The following COX7B2 variants were observed in gnomAD, a reference collection of about 807,000 sequenced individuals.
COX7B2 encodes cytochrome c oxidase subunit 7B2.
For missense variants in COX7B2, 109 were observed against 95.9 expected, an observed-to-expected ratio of 1.14 and a Z score of -0.57; for synonymous variants, 37 against 32.1, an observed-to-expected ratio of 1.15 and a Z score of -0.51.
chr4:46,822,590 T>TA (rs879870701), intron 2 of COX7B2, among the ~76,000 whole-genome samples: 5 of 152,112 alleles, frequency 3.3e-5, no homozygotes, highest in Non-Finnish European at 5.9e-5. Context: ...ATAACTACAT[T>TA]AAAAAACCAT....
intron 2 of COX7B2, among the ~76,000 whole-genome samples, chr4:46,785,367 A>G (rs964551546): frequency 6.6e-6 from 1 of 151,872 alleles, no homozygotes; most frequent in Admixed American, 6.6e-5. Context: ...ACAAAATCTG[A>G]TAGAGCAATT....
At chr4:46,769,633 C>T (rs2109510266) in intron 2 of COX7B2, among the ~76,000 whole-genome samples, 1 of 152,112 alleles carries the variant, frequency 6.6e-6, no homozygotes, top group Non-Finnish European at 1.5e-5. Context: ...GGAGAATCAC[C>T]TGAGCCTGGG....
At chr4:46,780,763 A>T (rs538189502) in intron 2 of COX7B2, among the ~76,000 whole-genome samples, 2 of 152,290 alleles carry the variant, frequency 1.3e-5, no homozygotes, top group East Asian at 3.9e-4. Context: ...CCTATTTTTA[A>T]TCTATTTGAA....
chr4:46,895,036 G>T (rs187254695), intron 1 of COX7B2, among the ~76,000 whole-genome samples: 23 of 152,234 alleles, frequency 1.5e-4, no homozygotes, highest in Non-Finnish European at 2.5e-4. Context: ...GCAACCGTTG[G>T]TGGTGGTGTA....
At chr4:46,871,146 CAT>C (rs1034802493) in intron 1 of COX7B2, among the ~76,000 whole-genome samples, 1 of 151,970 alleles carries the variant, frequency 6.6e-6, no homozygotes, top group Non-Finnish European at 1.5e-5. Flanking sequence ...AAAACAGACA[CAT>C]AGACCAATGG....
At chr4:46,767,114 A>G (rs1037179386) in intron 2 of COX7B2, among the ~76,000 whole-genome samples, 6 of 152,254 alleles carry the variant, frequency 3.9e-5, no homozygotes, top group Non-Finnish European at 7.3e-5. Context: ...CTGCCTACAG[A>G]GACTGAGTTT....
chr4:46,821,377 T>C (rs1480448548), intron 2 of COX7B2, among the ~76,000 whole-genome samples: 1 of 152,192 alleles, frequency 6.6e-6, no homozygotes, highest in Non-Finnish European at 1.5e-5. Context: ...AAATCCCAAA[T>C]AAACCTTAAA....
chr4:46,742,492 A>G (rs1290365045), intron 2 of COX7B2, among the ~76,000 whole-genome samples: 1 of 152,184 alleles, frequency 6.6e-6, no homozygotes, highest in Non-Finnish European at 1.5e-5. Flanking sequence ...CCATTTCATA[A>G]CAGGAAATAT....
At chr4:46,790,994 A>G (rs1718011589) in intron 2 of COX7B2, among the ~76,000 whole-genome samples, 2 of 151,968 alleles carry the variant, frequency 1.3e-5, no homozygotes, top group Admixed American at 6.6e-5. Flanking sequence ...ACAGTAACCC[A>G]GATTTTTGTT....
intron 2 of COX7B2, among the ~76,000 whole-genome samples, chr4:46,756,534 T>C (rs1453089291): frequency 1.3e-5 from 2 of 151,934 alleles, no homozygotes; most frequent in East Asian, 1.9e-4. Flanking sequence ...GGGAAAAATA[T>C]TTGCAAACTA....
intron 2 of COX7B2, among the ~76,000 whole-genome samples, chr4:46,778,233 A>G (rs1018550268): frequency 6.6e-6 from 1 of 152,156 alleles, no homozygotes; most frequent in African/African-American, 2.4e-5. Context: ...ATCCATGAAC[A>G]AGGCTAAAAC....
chr4:46,810,313 A>C (rs960862998), intron 2 of COX7B2, among the ~76,000 whole-genome samples: 3 of 151,838 alleles, frequency 2.0e-5, no homozygotes, highest in African/African-American at 7.2e-5. Context: ...CCATTTTGCT[A>C]TTTGTTCTCT....
intron 2 of COX7B2, among the ~76,000 whole-genome samples, chr4:46,793,529 ATAG>A (rs1177684304): frequency 6.6e-6 from 1 of 152,198 alleles, no homozygotes; most frequent in African/African-American, 2.4e-5. Context: ...ACTAACAAAT[ATAG>A]TAAGTTTGGC....
At chr4:46,908,891 A>G (rs1720569760) in intron 1 of COX7B2, among the ~76,000 whole-genome samples, 1 of 152,002 alleles carries the variant, frequency 6.6e-6, no homozygotes. Context: ...AATACAAAAA[A>G]AAATTAGCCA....
chr4:46,890,220 T>C (rs1719350095), intron 1 of COX7B2, among the ~76,000 whole-genome samples: 1 of 152,190 alleles, frequency 6.6e-6, no homozygotes, highest in South Asian at 2.1e-4. Flanking sequence ...ACATGCTATG[T>C]TTGCATAATC....
intron 2 of COX7B2, among the ~76,000 whole-genome samples, chr4:46,781,865 TGCCCACGCGG>T (rs1717475879): frequency 1.3e-5 from 2 of 152,202 alleles, no homozygotes; most frequent in African/African-American, 2.4e-5. Flanking sequence ...CAGCATTACC[TGCCCACGCGG>T]GCCTCAGCCG....
chr4:46,903,671 T>G (rs1405013324), intron 1 of COX7B2, among the ~76,000 whole-genome samples: 1 of 152,202 alleles, frequency 6.6e-6, no homozygotes, highest in East Asian at 1.9e-4. Flanking sequence ...TTTTTACTAT[T>G]CCTTTGCTAT....
At chr4:46,764,923 G>C (rs1347323439) in intron 2 of COX7B2, among the ~76,000 whole-genome samples, 2 of 151,738 alleles carry the variant, frequency 1.3e-5, no homozygotes, top group Non-Finnish European at 2.9e-5. Context: ...CTACAAAACA[G>C]TCAGAAAAGA....
In COX7B2 at chr4:46,805,739, G is replaced by A. The variant is rs374676956; in HGVS notation, c.-50+39221C>T. ...ATTTTCATCCAGTTTATGGATTTTCGTAGATCAATGTAATTTTTGATATAC... is the reference window on the plus strand; with the variant it reads ...ATTTTCATCCAGTTTATGGATTTTCATAGATCAATGTAATTTTTGATATAC... On this transcript the variant is annotated intron_variant, in intron 2 of 2. Transcript: ENST00000355591. 4.1e-4 allele frequency among the ~76,000 whole-genome samples: 62 copies of A among 151,882 alleles called. 1 individual carries two copies. Among genetic ancestry groups the A allele is most frequent in the Admixed American group, 1.4e-3 (21 of 15,268 alleles).
Sources: allele counts gnomAD v4.1 joint callset (sites outside exome capture counted in the v4.1 genomes callset), GRCh38; gene constraint gnomAD v4.1.1; transcripts MANE v1.5; gene names NCBI Gene and HGNC (gene_info 2026-07-23, HGNC 2026-07-21).